The following CACNG7 variants were observed in gnomAD, a reference collection of about 807,000 sequenced individuals.
CACNG7 encodes the protein voltage-dependent calcium channel gamma-7 subunit.
In CACNG7, 9 loss-of-function variants were observed where a neutral mutation model predicts 26.3. The ratio of observed to expected loss-of-function variants is 0.34; its 90% CI spans 0.21 to 0.60. The LOEUF is 0.60. CACNG7 is among the 20% of genes least tolerant of loss of function. The pLI is 0.81. For synonymous variants in CACNG7, 170 were observed against 157.0 expected (o/e 1.08, Z -0.62); for missense variants, 297 against 380.4 (o/e 0.78, Z 1.82).
chr19:53,923,301 G>C (rs1325691855), intron 4 of CACNG7, among the ~76,000 whole-genome samples: 32 of 115,538 alleles, frequency 2.8e-4, no homozygotes, highest in African/African-American at 4.8e-4. Flanking sequence ...GTCATTGGTG[G>C]AGTTGACTCA....
intron 4 of CACNG7, among the ~76,000 whole-genome samples, chr19:53,927,825 C>G (rs891961978): frequency 3.6e-5 from 5 of 138,116 alleles, no homozygotes; most frequent in South Asian, 2.2e-4. Context: ...GCAACAAGAG[C>G]GAAACTCCAT....
In CACNG7 at chr19:53,922,155, TCTGGTCATTGGTGGAGTTGTCCCAGG is replaced by T. The variant is rs1568775173; in HGVS notation, c.424+6670_424+6695del. ...GGTCATTGGTGGAGTTGTCCCCAGG[TCTGGTCATTGGTGGAGTTGTCCCAGG>T]CTGGTCATTGGTGGAGTTGCCCCAG... On this transcript the variant is annotated intron_variant, in intron 4 of 5. Transcript: ENST00000391767. Among the ~76,000 whole-genome samples, 4 of 98,528 alleles carry T rather than the reference TCTGGTCATTGGTGGAGTTGTCCCAGG, an allele frequency of 4.1e-5. No homozygotes were observed. In the Admixed American group the frequency reaches 4.2e-4, roughly 10 times the overall value. The allele number at this position is 98,528 out of a possible 152,430, so 64.6% of individuals were successfully genotyped here.
In CACNG7 at chr19:53,942,546, G is replaced by T; in HGVS notation, c.*253G>T. ...CCCAAATGACTCCTCCCCTTCGTTGGCCCGCCCCTTTCCTCTGGCCCCTCC... is the reference window on the plus strand; with the variant it reads ...CCCAAATGACTCCTCCCCTTCGTTGTCCCGCCCCTTTCCTCTGGCCCCTCC... On this transcript the variant is annotated 3_prime_UTR_variant, in exon 6 of 6. Transcript: ENST00000391767. This position sits in a 1 kb window ranked among gnomAD's most constrained non-coding sequence, Gnocchi z 5.9. 1.4e-6 allele frequency: 2 copies of T among 1,381,276 alleles called. No homozygotes were observed. The highest frequency in any genetic ancestry group is 1.9e-6 in the Non-Finnish European group (2 of 1,071,086). 85.6% of individuals were successfully genotyped at this position (1,381,276 alleles called of 1,614,324 possible).
intron 4 of CACNG7, among the ~76,000 whole-genome samples, chr19:53,916,297 A>G (rs2068896847): frequency 6.6e-6 from 1 of 152,064 alleles, no homozygotes; most frequent in Non-Finnish European, 1.5e-5. Flanking sequence ...GTCTCCTAAC[A>G]TCGCTACCCA....
intron 4 of CACNG7, among the ~76,000 whole-genome samples, chr19:53,921,201 T>C (rs575172242): frequency 2.4e-5 from 2 of 84,046 alleles, no homozygotes; most frequent in Non-Finnish European, 4.3e-5. Flanking sequence ...ATTGGTGGAG[T>C]TGTCCCCAGG....
chr19:53,922,531 C>T (rs1209926903), intron 4 of CACNG7, among the ~76,000 whole-genome samples: 1 of 84,108 alleles, frequency 1.2e-5, no homozygotes, highest in Non-Finnish European at 2.2e-5. Context: ...GGAGTTGTCC[C>T]AGGCTGGTCA....
Position 53,934,838 on chromosome 19 carries a change from A to T in CACNG7, c.425-6632A>T, listed in dbSNP as rs1441755589. On this transcript the variant is annotated intron_variant, in intron 4 of 5. Coordinates refer to ENST00000391767, the MANE Select transcript of CACNG7 (RefSeq NM_031896.5). The stretch of plus-strand genomic sequence containing the variant: ...TACTTTAGCATTTTGAAAAAAAAAA[A>T]TCTTGGTTTGGGATACTCGTATTTT... Among the ~76,000 whole-genome samples, 9 of 151,966 alleles carry T rather than the reference A, an allele frequency of 5.9e-5. No individual in the cohort carries two copies. The East Asian group carries it at 1.7e-3, about 29-fold the overall frequency.
intron 4 of CACNG7, among the ~76,000 whole-genome samples, chr19:53,931,364 C>A (rs1198128672): frequency 6.6e-6 from 1 of 151,974 alleles, no homozygotes; most frequent in Admixed American, 6.6e-5. Context: ...AGGATTCATT[C>A]TAGGTCCATG....
Position 53,942,140 on chromosome 19 carries a change from C to G in CACNG7, c.675C>G (p.Ser225=). Residue 225 remains serine (S), a synonymous_variant, in exon 6 of 6, where the codon TCC becomes TCG. Transcript: ENST00000391767. The surrounding 1 kb of genome is among the most constrained non-coding windows in gnomAD (Gnocchi z 5.9). ...AFYRPRLSDC[S]DYSGQFLQPE... The stretch of plus-strand genomic sequence containing the variant: ...ACCGCCCGCGTCTCAGCGACTGCTC[C>G]GACTACTCGGGCCAGTTCCTGCAGC... The G allele has an allele frequency of 6.2e-7, 1 of 1,614,022 alleles. No homozygotes were observed. Among genetic ancestry groups the G allele is most frequent in the South Asian group, 1.1e-5 (1 of 91,074 alleles).
rs758804362 is a variant in CACNG7 at position 53,921,633 on chromosome 19, GT to G, written c.424+6129del. On this transcript the variant is annotated intron_variant, in intron 4 of 5. Transcript: ENST00000391767. ...CCCAGGTCTGGTCATTGGTGGAGTC[GT>G]CCCCAGGTCTGGTCATTGGTGGACT... Among the ~76,000 whole-genome samples, 61 of 46,598 alleles carry G rather than the reference GT, an allele frequency of 1.3e-3. 5 individuals carry two copies. The highest frequency in any genetic ancestry group is 6.1e-3 in the African/African-American group (22 of 3,632). 30.6% of individuals were successfully genotyped at this position (46,598 alleles called of 152,430 possible). A position where few individuals can be genotyped will look rare whatever the true frequency, so the allele number is the denominator to read the frequency against.
rs539295104 is a variant in CACNG7 at position 53,922,826 on chromosome 19, C to G, written c.424+7321C>G. 1.3e-4 allele frequency among the ~76,000 whole-genome samples: 9 copies of G among 69,218 alleles called. No homozygotes were observed. The South Asian group carries it at 4.6e-3, about 35-fold the overall frequency. The allele number at this position is 69,218 out of a possible 152,430, so 45.4% of individuals were successfully genotyped here. A position where few individuals can be genotyped will look rare whatever the true frequency, so the allele number is the denominator to read the frequency against. ...GGTCTGGTCATTGGTGGAGTTGTCC[C>G]AGGTCTGGTCATTGGTGCAGTTGCC... On this transcript the variant is annotated intron_variant, in intron 4 of 5. Transcript: ENST00000391767.
At chr19:53,919,928 C>G (rs1297310651) in intron 4 of CACNG7, among the ~76,000 whole-genome samples, 1 of 134,386 alleles carries the variant, frequency 7.4e-6, no homozygotes, top group South Asian at 2.4e-4. Context: ...GAGTTGTCCC[C>G]AGGCCTGGTA....
At chr19:53,920,368 G>C (rs1390227919) in intron 4 of CACNG7, among the ~76,000 whole-genome samples, 1 of 115,038 alleles carries the variant, frequency 8.7e-6, no homozygotes, top group Non-Finnish European at 1.7e-5. Context: ...TCTGGTCATT[G>C]GTGGAGTTGC....
chr19:53,937,697 C>T (rs1276817876), intron 4 of CACNG7, among the ~76,000 whole-genome samples: 1 of 151,504 alleles, frequency 6.6e-6, no homozygotes, highest in Non-Finnish European at 1.5e-5. Context: ...TTCAAGTAAT[C>T]CTCCTGCCTC....
At chr19:53,921,390 T>A (rs1464364310) in intron 4 of CACNG7, among the ~76,000 whole-genome samples, 2 of 143,686 alleles carry the variant, frequency 1.4e-5, no homozygotes, top group Non-Finnish European at 3.0e-5. Flanking sequence ...ATTGGTGGAG[T>A]TGCCCCAGGT....
chr19:53,920,711 TC>T (rs1413028781), intron 4 of CACNG7, among the ~76,000 whole-genome samples: 2 of 112,426 alleles, frequency 1.8e-5, no homozygotes, highest in Non-Finnish European at 1.7e-5. Flanking sequence ...CCAGGTCTGG[TC>T]ATTGGTGGAG....
Position 53,942,693 on chromosome 19 carries a change from G to A in CACNG7, c.*400G>A. 1.8e-6 allele frequency: 1 copy of A among 554,186 alleles called. No homozygotes were observed. Among genetic ancestry groups the A allele is most frequent in the Non-Finnish European group, 2.4e-6 (1 of 415,752 alleles). 34.3% of individuals were successfully genotyped at this position (554,186 alleles called of 1,614,324 possible). A position where few individuals can be genotyped will look rare whatever the true frequency, so the allele number is the denominator to read the frequency against. ...CCTCGGACCTCACCGCAGGGGCGCTGGGCTGGAGAGCAGGTTCGGGCAGCC... is the reference window on the plus strand; with the variant it reads ...CCTCGGACCTCACCGCAGGGGCGCTAGGCTGGAGAGCAGGTTCGGGCAGCC... On this transcript the variant is annotated 3_prime_UTR_variant, in exon 6 of 6. Transcript: ENST00000391767. The surrounding 1 kb of genome is among the most constrained non-coding windows in gnomAD (Gnocchi z 5.9).
At chr19:53,928,043 G>A (rs151120586) in intron 4 of CACNG7, among the ~76,000 whole-genome samples, 435 of 147,536 alleles carry the variant, frequency 2.9e-3, no homozygotes, top group African/African-American at 0.011. Flanking sequence ...AAGAGAGTTG[G>A]ATTGCAGAGA....
At chr19:53,921,764 G>A (rs1283455284) in intron 4 of CACNG7, among the ~76,000 whole-genome samples, 1 of 100,312 alleles carries the variant, frequency 1.0e-5, no homozygotes. Flanking sequence ...TATTGGTGGA[G>A]TTGTCCCAGG....
Sources: allele counts gnomAD v4.1 joint callset (sites outside exome capture counted in the v4.1 genomes callset), GRCh38; gene constraint gnomAD v4.1.1; non-coding constraint Gnocchi (gnomAD v3.1); transcripts MANE v1.5; gene names NCBI Gene and HGNC (gene_info 2026-07-23, HGNC 2026-07-21).